Variants in AUH observed in about 807,000 individuals in gnomAD.
AUH encodes AU RNA binding methylglutaconyl-CoA hydratase, also known as methylglutaconyl-CoA hydratase, mitochondrial.
AUH carries 29 observed loss-of-function variants against 42.3 expected under a neutral mutation model. That is an observed-to-expected ratio of 0.69 (90% confidence interval 0.51 to 0.93). AUH has a LOEUF of 0.93. Ranked by LOEUF, AUH falls within the 40% of genes least tolerant of loss-of-function variation. AUH has a pLI of 0.00. For missense variants in AUH, 452 were observed against 438.1 expected, an observed-to-expected ratio of 1.03 and a Z score of -0.28; for synonymous variants, 174 against 166.4, an observed-to-expected ratio of 1.05 and a Z score of -0.35.
intron 3 of AUH, among the ~76,000 whole-genome samples, chr9:91,344,257 T>A (rs1218028166): frequency 6.6e-6 from 1 of 152,224 alleles, no homozygotes; most frequent in East Asian, 1.9e-4. Context: ...GGTCTTTAGA[T>A]AAATTCTTTC....
intron 3 of AUH, among the ~76,000 whole-genome samples, chr9:91,339,334 C>G (rs1362026740): frequency 6.6e-6 from 1 of 152,154 alleles, no homozygotes; most frequent in East Asian, 1.9e-4. Context: ...ACTGTACTGT[C>G]AATAGGTAAT....
chr9:91,214,185 A>T lies in AUH; in HGVS notation c.*163T>A, dbSNP rs1826692217. On this transcript the variant is annotated 3_prime_UTR_variant, in exon 10 of 10. Transcript: ENST00000375731. ...AATATGACATTTACACATTTGAATG[A>T]AGTACACGGATGGGTCCATTCCAGA... The T allele has an allele frequency of 1.5e-6, 1 of 657,568 alleles. No homozygotes were observed. Among genetic ancestry groups the T allele is most frequent in the Non-Finnish European group, 2.8e-6 (1 of 362,792 alleles). 40.7% of individuals were successfully genotyped at this position (657,568 alleles called of 1,614,324 possible). A position where few individuals can be genotyped will look rare whatever the true frequency, so the allele number is the denominator to read the frequency against.
intron 4 of AUH, among the ~76,000 whole-genome samples, chr9:91,322,161 A>C (rs1207568218): frequency 6.6e-6 from 1 of 152,208 alleles, no homozygotes; most frequent in Non-Finnish European, 1.5e-5. Flanking sequence ...CAGAAAAGAA[A>C]AGCTATAGCT....
At chr9:91,337,524 G>A (rs72740753) in intron 3 of AUH, among the ~76,000 whole-genome samples, 1 of 152,208 alleles carries the variant, frequency 6.6e-6, no homozygotes, top group Non-Finnish European at 1.5e-5. Context: ...AAGGGCTCCA[G>A]CTTGGATTGC....
Position 91,335,911 on chromosome 9 carries a change from A to G in AUH, c.419-10507T>C, listed in dbSNP as rs548619238. On this transcript the variant is annotated intron_variant, in intron 3 of 9. Coordinates refer to ENST00000375731, the MANE Select transcript of AUH (RefSeq NM_001698.3). Reference sequence around the variant, plus strand: ...CTGTGGAGGTTTTATGGCCTAGCAGATGGCTAATTTTCATAAATAGTCCAT... The same window carrying G: ...CTGTGGAGGTTTTATGGCCTAGCAGGTGGCTAATTTTCATAAATAGTCCAT... Among the ~76,000 whole-genome samples the G allele has an allele frequency of 1.9e-3, 296 of 152,312 alleles. 1 individual carries two copies. Among genetic ancestry groups the G allele is most frequent in the African/African-American group, 6.7e-3 (279 of 41,558 alleles).
intron 6 of AUH, among the ~76,000 whole-genome samples, chr9:91,261,584 G>A (rs1198589106): frequency 6.6e-6 from 1 of 152,174 alleles, no homozygotes; most frequent in East Asian, 1.9e-4. Flanking sequence ...TCACCCTCGT[G>A]CAAATTTCTG....
chr9:91,350,444 A>G (rs1176873612), intron 3 of AUH, among the ~76,000 whole-genome samples: 1 of 152,224 alleles, frequency 6.6e-6, no homozygotes, highest in African/African-American at 2.4e-5. Flanking sequence ...GAACTCTTTT[A>G]GTCTAAAATT....
At chr9:91,252,867 C>T (rs568821191) in intron 6 of AUH, among the ~76,000 whole-genome samples, 1 of 152,302 alleles carries the variant, frequency 6.6e-6, no homozygotes, top group East Asian at 1.9e-4. Context: ...GGACCATAAT[C>T]ACATATGATA....
chr9:91,224,071 C>T (rs1415951357), intron 6 of AUH, among the ~76,000 whole-genome samples: 1 of 152,188 alleles, frequency 6.6e-6, no homozygotes, highest in Non-Finnish European at 1.5e-5. Flanking sequence ...GAGCTCCCAT[C>T]TCAGCAGCAG....
rs755355306 is a variant in AUH at position 91,220,819 on chromosome 9, C to T, written c.829G>A (p.Glu277Lys). 2 of 1,614,188 alleles carry T rather than the reference C, an allele frequency of 1.2e-6. No individual in the cohort carries two copies. The highest frequency in any genetic ancestry group is 2.2e-5 in the South Asian group (2 of 91,084). ...ATGAGAAATACCTGAGGTAAAAACT[C>T]TCTCGCCAGGTCCAAGGCCTTCCTG... ...AYRKALDLAR[E>K]FLPQGPVAMR... is the part of the protein sequence containing the mutation. The change falls in exon 7 of 10, where the codon GAG becomes AAG. Residue 277 changes from glutamate (E) to lysine (K), a missense_variant. Transcript: ENST00000375731.
chr9:91,235,923 C>T (rs1828148108), intron 6 of AUH, among the ~76,000 whole-genome samples: 1 of 152,160 alleles, frequency 6.6e-6, no homozygotes, highest in Non-Finnish European at 1.5e-5. Context: ...CTGAAGATGG[C>T]ACAGCAGAAA....
chr9:91,266,348 T>C (rs1829977623), intron 6 of AUH, among the ~76,000 whole-genome samples: 1 of 149,932 alleles, frequency 6.7e-6, no homozygotes, highest in Non-Finnish European at 1.5e-5. Flanking sequence ...GGTAACAGTG[T>C]GAGACTCCAT....
At chr9:91,252,486 T>A (rs1183941529) in intron 6 of AUH, among the ~76,000 whole-genome samples, 1 of 152,074 alleles carries the variant, frequency 6.6e-6, no homozygotes, top group Non-Finnish European at 1.5e-5. Flanking sequence ...TCACCCTCAT[T>A]TTGCAGAACC....
chr9:91,268,001 G>C (rs1267144011), intron 6 of AUH, among the ~76,000 whole-genome samples: 1 of 152,068 alleles, frequency 6.6e-6, no homozygotes, highest in Non-Finnish European at 1.5e-5. Flanking sequence ...TCAGCTACGG[G>C]CTGCTCTGGT....
intron 4 of AUH, among the ~76,000 whole-genome samples, chr9:91,298,961 G>A (rs1359324563): frequency 6.6e-6 from 1 of 152,214 alleles, no homozygotes; most frequent in African/African-American, 2.4e-5. Flanking sequence ...GCTCACGCCT[G>A]TAATCCCAGC....
At chr9:91,322,988 C>T (rs1218914753) in intron 4 of AUH, among the ~76,000 whole-genome samples, 2 of 152,132 alleles carry the variant, frequency 1.3e-5, no homozygotes, top group African/African-American at 2.4e-5. Context: ...AACTTTAATA[C>T]TTATTCTTGA....
Position 91,332,992 on chromosome 9 carries a change from A to C in AUH, c.419-7588T>G, listed in dbSNP as rs956795705. 5.9e-5 allele frequency among the ~76,000 whole-genome samples: 9 copies of C among 152,196 alleles called. 1 individual carries two copies. The highest frequency in any genetic ancestry group is 5.2e-4 in the Admixed American group (8 of 15,282). On this transcript the variant is annotated intron_variant, in intron 3 of 9. Coordinates refer to ENST00000375731, the MANE Select transcript of AUH (RefSeq NM_001698.3). Reference sequence around the variant, plus strand: ...AACGCTGGTAAGCAGTTAAAACTACAAAAGGCAGGGGCAGCACCAGGCAGT... The same window carrying C: ...AACGCTGGTAAGCAGTTAAAACTACCAAAGGCAGGGGCAGCACCAGGCAGT...
At chr9:91,316,359 A>C (rs143619103) in intron 4 of AUH, among the ~76,000 whole-genome samples, 2 of 152,326 alleles carry the variant, frequency 1.3e-5, no homozygotes, top group African/African-American at 4.8e-5. Flanking sequence ...TCCAATAAAA[A>C]CAGTCTTTAA....
chr9:91,267,516 G>C (rs1489609531), intron 6 of AUH, among the ~76,000 whole-genome samples: 3 of 152,126 alleles, frequency 2.0e-5, no homozygotes, highest in African/African-American at 4.8e-5. Context: ...TATGTCTTCA[G>C]TTGCCTGCAC....
Sources: allele counts gnomAD v4.1 joint callset (sites outside exome capture counted in the v4.1 genomes callset), GRCh38; gene constraint gnomAD v4.1.1; transcripts MANE v1.5; gene names NCBI Gene and HGNC (gene_info 2026-07-23, HGNC 2026-07-21).